AFG2A: variants seen among roughly 807,000 people sequenced by gnomAD.
AFG2A encodes ATPase family gene 2 protein homolog A.
the AFG2A span, chr4:122,938,287 A>C: frequency 2.7e-6 from 4 of 1,479,928 alleles, no homozygotes; most frequent in Non-Finnish European, 3.6e-6. Context: ...TGTAGGGTTA[A>C]TTCTTAATAC....
At chr4:122,923,099 T>G in the AFG2A span, 4 of 1,609,756 alleles carry the variant, frequency 2.5e-6, no homozygotes, top group Admixed American at 5.0e-5. Flanking sequence ...AGCGCGCACA[T>G]TGAGTCGGCT....
chr4:122,945,361 C>T, the AFG2A span, among the ~76,000 whole-genome samples: 1 of 152,222 alleles, frequency 6.6e-6, no homozygotes, highest in African/African-American at 2.4e-5. Flanking sequence ...GGCGCCCCTC[C>T]CCCAGCCTCA....
the AFG2A span, among the ~76,000 whole-genome samples, chr4:123,095,473 T>C: frequency 1.3e-5 from 2 of 152,140 alleles, no homozygotes; most frequent in African/African-American, 4.8e-5. Context: ...ACTTATATTG[T>C]TTAATAGTAC....
the AFG2A span, among the ~76,000 whole-genome samples, chr4:123,022,139 T>C: frequency 6.6e-6 from 1 of 152,048 alleles, no homozygotes; most frequent in African/African-American, 2.4e-5. Flanking sequence ...AAGGACTTCA[T>C]GTCTAAAACA....
chr4:123,009,614 C>A, the AFG2A span, among the ~76,000 whole-genome samples: 2 of 152,120 alleles, frequency 1.3e-5, no homozygotes, highest in Non-Finnish European at 2.9e-5. Flanking sequence ...TTCTAGGTTT[C>A]TCTGGGCTGT....
the AFG2A span, among the ~76,000 whole-genome samples, chr4:122,923,488 A>G: frequency 6.6e-6 from 1 of 152,210 alleles, no homozygotes; most frequent in African/African-American, 2.4e-5. Context: ...CCGCGCCTGC[A>G]CTGGAGAAGT....
At chr4:123,074,951 T>G in the AFG2A span, among the ~76,000 whole-genome samples, 4 of 152,162 alleles carry the variant, frequency 2.6e-5, no homozygotes, top group African/African-American at 4.8e-5. Flanking sequence ...ATCTCTTTTT[T>G]GGGGGCGGTG....
At chr4:123,121,180 A>G in the AFG2A span, among the ~76,000 whole-genome samples, 2 of 151,820 alleles carry the variant, frequency 1.3e-5, no homozygotes, top group African/African-American at 4.8e-5. Flanking sequence ...GATATAAAGA[A>G]GAAAATATTT....
chr4:122,956,520 TTGATAAAGTAAGGAGAGCATCA>T, the AFG2A span, among the ~76,000 whole-genome samples: 1 of 3,842 alleles, frequency 2.6e-4, no homozygotes. Flanking sequence ...AGAGCATCAG[TTGATAAAGTAAGGAGAGCATCA>T]GTTGATAAAG....
chr4:123,121,138 A>C, the AFG2A span, among the ~76,000 whole-genome samples: 2 of 151,984 alleles, frequency 1.3e-5, no homozygotes, highest in African/African-American at 4.8e-5. Context: ...AATAAATAAA[A>C]TTTAAAAATA....
chr4:122,944,323 C>T, the AFG2A span, among the ~76,000 whole-genome samples: 2 of 151,866 alleles, frequency 1.3e-5, no homozygotes, highest in African/African-American at 4.8e-5. Flanking sequence ...TTCTTGGATG[C>T]TTTGTTTGTT....
chr4:122,939,485 G>A, the AFG2A span, among the ~76,000 whole-genome samples: 1 of 152,044 alleles, frequency 6.6e-6, no homozygotes, highest in Non-Finnish European at 1.5e-5. Flanking sequence ...TAAGACTCCT[G>A]ACATCCATTA....
the AFG2A span, among the ~76,000 whole-genome samples, chr4:123,237,399 G>T: frequency 1.3e-5 from 2 of 151,706 alleles, no homozygotes; most frequent in Non-Finnish European, 3.0e-5. Flanking sequence ...TCAATTACGG[G>T]CTGGGCATGA....
the AFG2A span, among the ~76,000 whole-genome samples, chr4:123,224,515 C>G: frequency 6.6e-6 from 1 of 152,166 alleles, no homozygotes; most frequent in Non-Finnish European, 1.5e-5. Flanking sequence ...CCAGCTTCAT[C>G]CATGTCCCTA....
At chr4:122,978,123 G>C in the AFG2A span, among the ~76,000 whole-genome samples, 2 of 151,960 alleles carry the variant, frequency 1.3e-5, no homozygotes, top group African/African-American at 2.4e-5. Flanking sequence ...CTAGTGTCCA[G>C]TTCTCAGCGG....
the AFG2A span, among the ~76,000 whole-genome samples, chr4:123,191,602 C>G: frequency 6.6e-6 from 1 of 152,044 alleles, no homozygotes; most frequent in Non-Finnish European, 1.5e-5. Context: ...GTATTTCTTT[C>G]TCTTCTGTAT....
At chr4:123,209,662 G>A in the AFG2A span, among the ~76,000 whole-genome samples, 7 of 143,006 alleles carry the variant, frequency 4.9e-5, no homozygotes, top group South Asian at 2.2e-4. Flanking sequence ...ATCATAGCTC[G>A]CTGCAGCCTT....
the AFG2A span, among the ~76,000 whole-genome samples, chr4:122,967,996 CTT>C: frequency 1.3e-5 from 2 of 151,824 alleles, no homozygotes; most frequent in East Asian, 1.9e-4. Context: ...AATTAATAGA[CTT>C]TTTTTAGAGC....
the AFG2A span, among the ~76,000 whole-genome samples, chr4:123,033,793 A>C: frequency 1.3e-5 from 2 of 152,200 alleles, no homozygotes; most frequent in Non-Finnish European, 2.9e-5. Context: ...CAAGTTCTGT[A>C]AGTCTCATTT....
Sources: gnomAD v4.1 joint callset for allele counts (sites outside exome capture counted in the v4.1 genomes callset) on GRCh38, gnomAD v4.1.1 for gene constraint, MANE v1.5 for transcripts, NCBI Gene and HGNC (gene_info 2026-07-23, HGNC 2026-07-21) for gene names.